TERF1: variants seen among roughly 807,000 people sequenced by gnomAD.
The protein encoded by TERF1 is telomeric repeat binding factor 1.
A neutral mutation model predicts 55.1 loss-of-function variants in TERF1; 20 were observed. The ratio of observed to expected loss-of-function variants is 0.36; its 90% CI spans 0.26 to 0.53. The LOEUF (loss-of-function observed/expected upper bound fraction) is 0.53. Among genes scored for constraint, TERF1 ranks in the 20% least tolerant of loss-of-function variants. The pLI is 0.91. For synonymous variants in TERF1, 168 were observed against 181.2 expected, an observed-to-expected ratio of 0.93 and a Z score of 0.59; for missense variants, 439 against 535.7, an observed-to-expected ratio of 0.82 and a Z score of 1.78.
chr8:73,046,834 T>G lies in TERF1; in HGVS notation c.*697T>G. 6.6e-6 allele frequency: 1 copy of G among 152,184 alleles called. No homozygotes were observed. The highest frequency in any genetic ancestry group is 1.5e-5 in the Non-Finnish European group (1 of 68,032). The allele number at this position is 152,184 out of a possible 1,614,324, so 9.4% of individuals were successfully genotyped here. ...AGATGATTGAATAACAGTAGTCCTTTGATAGAAGATAATGACTTGGTTTAT... is the reference window on the plus strand; with the variant it reads ...AGATGATTGAATAACAGTAGTCCTTGGATAGAAGATAATGACTTGGTTTAT... On this transcript the variant is annotated 3_prime_UTR_variant, in exon 10 of 10. Transcript: ENST00000276603.
intron 8 of TERF1, among the ~76,000 whole-genome samples, chr8:73,036,951 A>G (rs1809538110): frequency 7.1e-6 from 1 of 141,148 alleles, no homozygotes; most frequent in Non-Finnish European, 1.5e-5. Flanking sequence ...GTCTGTGAAT[A>G]TGCTTCATAG....
intron 6 of TERF1, among the ~76,000 whole-genome samples, chr8:73,028,571 A>AT (rs59423351): frequency 0.22 from 22,817 of 104,282 alleles, 3,046 homozygotes; most frequent in Middle Eastern, 0.27. Context: ...ACGTAGACCC[A>AT]TTTTTTTTTT....
intron 9 of TERF1, among the ~76,000 whole-genome samples, chr8:73,039,774 T>G (rs1013211300): frequency 3.4e-5 from 3 of 87,618 alleles, no homozygotes; most frequent in Non-Finnish European, 6.7e-5. Context: ...TTTTGTGGTG[T>G]GTGTGTGTGT....
rs1366817497 is a variant in TERF1, at chr8:73,047,120, C to T, written c.*983C>T. 2 of 152,138 alleles carry T rather than the reference C, an allele frequency of 1.3e-5. No individual in the cohort carries two copies. The highest frequency in any genetic ancestry group is 2.1e-4 in the South Asian group (1 of 4,830). The allele number at this position is 152,138 out of a possible 1,614,324, so 9.4% of individuals were successfully genotyped here. ...ACAGGATCATACGTACCCCAAACCT[C>T]AACATCACACAGTATACTCAGCTAA... On this transcript the variant is annotated 3_prime_UTR_variant, in exon 10 of 10. Coordinates refer to ENST00000276603, the MANE Select transcript of TERF1 (RefSeq NM_017489.3).
intron 2 of TERF1, among the ~76,000 whole-genome samples, chr8:73,015,664 C>T (rs569196620): frequency 8.1e-4 from 122 of 149,906 alleles, no homozygotes; most frequent in African/African-American, 2.7e-3. Flanking sequence ...GGTGAAACCC[C>T]GTCTCTACTA....
In TERF1 at chr8:73,008,958, T is replaced by A. The variant is rs1037109148; in HGVS notation, c.72T>A (p.Thr24=). The A allele has an allele frequency of 6.2e-7, 1 of 1,612,894 alleles. No homozygotes were observed. The highest frequency in any genetic ancestry group is 2.2e-5 in the East Asian group (1 of 44,854). The change falls in exon 1 of 10, where the codon ACT becomes ACA. Residue 24 remains threonine (T), a synonymous_variant. Coordinates refer to ENST00000276603, the MANE Select transcript of TERF1 (RefSeq NM_017489.3). ...CGGATGGTAGGGATGCCGACCCTACTGAGGAGCAGATGGCAGAAACAGAGA... is the reference window on the plus strand; with the variant it reads ...CGGATGGTAGGGATGCCGACCCTACAGAGGAGCAGATGGCAGAAACAGAGA... The part of the protein sequence containing the change: ...GCADGRDADP[T]EEQMAETERN...
At position 73,030,411 on chromosome 8, in the gene TERF1, G is replaced by A. The variant is rs1251032219; in HGVS notation, c.947+16G>A. The A allele has an allele frequency of 1.3e-5, 19 of 1,461,400 alleles. No homozygotes were observed. The highest frequency in any genetic ancestry group is 2.4e-4 in the Middle Eastern group (1 of 4,182). 90.5% of individuals were successfully genotyped at this position (1,461,400 alleles called of 1,614,324 possible). On this transcript the variant is annotated intron_variant, in intron 7 of 9. Transcript: ENST00000276603. ...CCTTATTGAGGTGAAGTAAATTGAC[G>A]TTTTTCTTCTTTGTCTTTCAAATCT...
In TERF1 at chr8:73,030,353, C is replaced by T. The variant is rs1161150953; in HGVS notation, c.905C>T (p.Ser302Phe). Residue 302 changes from serine (S) to phenylalanine (F), a missense_variant, in exon 7 of 10, where the codon TCT (serine) becomes TTT (phenylalanine). Around this residue, in one of 4 missense-constraint regions of TERF1, gnomAD observed 140 missense variants for 158.6 expected, o/e 0.88. Transcript: ENST00000276603. ...TTTTAAAGTGTTAGTGACAAACAGTCTGCGGTAACTGAATCCTCAGAGGGT... is the reference window on the plus strand; with the variant it reads ...TTTTAAAGTGTTAGTGACAAACAGTTTGCGGTAACTGAATCCTCAGAGGGT... ...DTRKSVSDKQ[S>F]AVTESSEGTV... The T allele has an allele frequency of 4.6e-6, 7 of 1,525,432 alleles. No individual in the cohort carries two copies. Among genetic ancestry groups the T allele is most frequent in the Non-Finnish European group, 6.1e-6 (7 of 1,147,614 alleles). 94.5% of individuals were successfully genotyped at this position (1,525,432 alleles called of 1,614,324 possible). A position where few individuals can be genotyped will look rare whatever the true frequency, so the allele number is the denominator to read the frequency against.
intron 8 of TERF1, among the ~76,000 whole-genome samples, chr8:73,032,576 A>T (rs1563468070): frequency 6.7e-6 from 1 of 149,764 alleles, no homozygotes; most frequent in Non-Finnish European, 1.5e-5. Context: ...TTTCTATATG[A>T]ATATATATAT....
At chr8:73,015,016 A>G (rs1462914745) in intron 2 of TERF1, among the ~76,000 whole-genome samples, 1 of 152,226 alleles carries the variant, frequency 6.6e-6, no homozygotes, top group African/African-American at 2.4e-5. Flanking sequence ...TTTCTACATT[A>G]AGGTGGAAAA....
intron 2 of TERF1, among the ~76,000 whole-genome samples, chr8:73,014,257 CAT>C (rs1808401791): frequency 1.4e-5 from 2 of 143,314 alleles, no homozygotes; most frequent in African/African-American, 2.6e-5. Flanking sequence ...AAAAAAAAAA[CAT>C]AGTGCTGAGT....
chr8:73,026,950 AAGT>A lies in TERF1; in HGVS notation c.791_793del (p.Val264del). 6.2e-7 allele frequency: 1 copy of A among 1,611,272 alleles called. No individual in the cohort carries two copies. Among genetic ancestry groups the A allele is most frequent in the Non-Finnish European group, 8.5e-7 (1 of 1,179,582 alleles). ...CGCACGTTTTTTAAGGCAGCGGCAA[AAGT>A]AGTAGAAAGCAAAAGGACAAGAACA... On this transcript the variant is annotated inframe_deletion, in exon 6 of 10. Transcript: ENST00000276603.
chr8:73,013,094 A>C (rs978915545), intron 1 of TERF1, among the ~76,000 whole-genome samples: 4 of 152,200 alleles, frequency 2.6e-5, no homozygotes, highest in African/African-American at 9.6e-5. Context: ...TATTCGTCTT[A>C]TATGCTTAAT....
chr8:73,024,256 G>A (rs1053084783), intron 4 of TERF1, among the ~76,000 whole-genome samples: 3 of 152,128 alleles, frequency 2.0e-5, no homozygotes, highest in African/African-American at 7.2e-5. Context: ...CTTTACAATG[G>A]CAAAAATAAC....
At chr8:73,016,819 A>G (rs1169963951) in intron 2 of TERF1, among the ~76,000 whole-genome samples, 1 of 152,044 alleles carries the variant, frequency 6.6e-6, no homozygotes, top group Non-Finnish European at 1.5e-5. Flanking sequence ...TGCCAGCCCC[A>G]AGGAAACCAC....
intron 6 of TERF1, among the ~76,000 whole-genome samples, chr8:73,029,320 G>A (rs566644034): frequency 6.6e-6 from 1 of 152,132 alleles, no homozygotes; most frequent in Non-Finnish European, 1.5e-5. Flanking sequence ...GGATGCTCAA[G>A]TGTCTTACAA....
chr8:73,034,682 A>G (rs1586057993), intron 8 of TERF1, among the ~76,000 whole-genome samples: 2 of 152,346 alleles, frequency 1.3e-5, no homozygotes, highest in South Asian at 2.1e-4. Flanking sequence ...ATCAGTGCAG[A>G]AAAACTCACC....
chr8:73,015,073 C>T (rs1404297155), intron 2 of TERF1, among the ~76,000 whole-genome samples: 2 of 152,188 alleles, frequency 1.3e-5, no homozygotes, highest in African/African-American at 4.8e-5. Flanking sequence ...AGTTGTTCAG[C>T]ACATCTTAGT....
intron 9 of TERF1, 121 bp from the exon 10 acceptor site, chr8:73,045,840 G>A (rs536306268): frequency 2.9e-6 from 2 of 698,840 alleles, no homozygotes; most frequent in Admixed American, 7.8e-5. Flanking sequence ...AATGTTTAGA[G>A]AAGTCTTCCG....
Sources: allele counts gnomAD v4.1 joint callset (sites outside exome capture counted in the v4.1 genomes callset), GRCh38; gene constraint gnomAD v4.1.1; regional missense constraint gnomAD v4.1.1; transcripts MANE v1.5; gene names NCBI Gene and HGNC (gene_info 2026-07-23, HGNC 2026-07-21).